Variants in ZIM2 observed in about 807,000 individuals in gnomAD.
ZIM2 encodes zinc finger imprinted 2, also known as zinc finger protein 656.
In ZIM2, 14 loss-of-function variants were observed where a neutral mutation model predicts 38.6. The observed-to-expected ratio is 0.36, with a 90% CI of 0.24 to 0.57. The LOEUF (loss-of-function observed/expected upper bound fraction) is 0.57. Ranked by LOEUF, ZIM2 falls within the 20% of genes least tolerant of loss-of-function variation. The pLI is 0.81. For synonymous variants in ZIM2, 247 were observed against 245.8 expected, an observed-to-expected ratio of 1.00 and a Z score of -0.04; for missense variants, 680 against 695.1, an observed-to-expected ratio of 0.98 and a Z score of 0.24.
intron 9 of ZIM2, chr19:56,793,322 G>C (rs1039345293): frequency 5.9e-5 from 9 of 152,640 alleles, no homozygotes; most frequent in African/African-American, 2.2e-4. Context: ...AAGATGTAGG[G>C]ATTCCTCAAG....
intron 2 of ZIM2, among the ~76,000 whole-genome samples, chr19:56,827,169 G>A (rs1282995447): frequency 2.0e-5 from 3 of 152,210 alleles, no homozygotes; most frequent in Admixed American, 2.0e-4. Context: ...ACAGAAAAGA[G>A]ATGGAGGACT....
At chr19:56,839,554 A>G (rs530170583) in intron 1 of ZIM2, among the ~76,000 whole-genome samples, 17 of 150,330 alleles carry the variant, frequency 1.1e-4, no homozygotes, top group Admixed American at 9.9e-4. Context: ...CATGGCGTCA[A>G]AGCGGGCGGG....
chr19:56,839,907 C>A (rs1462509402), intron 1 of ZIM2, among the ~76,000 whole-genome samples: 6 of 152,240 alleles, frequency 3.9e-5, no homozygotes, highest in African/African-American at 1.4e-4. Flanking sequence ...CCAACCAAGG[C>A]AGCTCCTGCG....
chr19:56,810,339 G>A, intron 9 of ZIM2: 1 of 985,034 alleles, frequency 1.0e-6, no homozygotes, highest in South Asian at 4.7e-5. Context: ...CTAGAATGAT[G>A]ACCTTTCAAG....
chr19:56,813,804 G>A (rs189053356), intron 9 of ZIM2: 39 of 1,614,124 alleles, frequency 2.4e-5, no homozygotes, highest in East Asian at 6.7e-5. Flanking sequence ...TGGCACGTTC[G>A]ATGTAGCCTG....
At chr19:56,825,067 T>A in intron 3 of ZIM2, 1 of 166,844 alleles carries the variant, frequency 6.0e-6, no homozygotes, top group Non-Finnish European at 1.3e-5. Flanking sequence ...ATTGTGAAGC[T>A]TAAATAAACT....
At chr19:56,809,442 G>C (rs1442338973) in intron 9 of ZIM2, among the ~76,000 whole-genome samples, 1 of 152,196 alleles carries the variant, frequency 6.6e-6, no homozygotes, top group Non-Finnish European at 1.5e-5. Flanking sequence ...GCCGCAAATT[G>C]GGTATGGTGC....
intron 9 of ZIM2, chr19:56,811,132 G>C: frequency 1.0e-6 from 1 of 982,968 alleles, no homozygotes; most frequent in Non-Finnish European, 1.2e-6. Context: ...TATTTTCCAA[G>C]TGTGTGATAA....
Position 56,797,022 on chromosome 19 carries a change from G to A in ZIM2, c.491-7071C>T, listed in dbSNP as rs76260111. 5.3e-3 allele frequency among the ~76,000 whole-genome samples: 804 copies of A among 150,542 alleles called. 10 individuals carry two copies. Among genetic ancestry groups the A allele is most frequent in the African/African-American group, 0.019 (761 of 40,992 alleles). On this transcript the variant is annotated intron_variant, in intron 9 of 12. Transcript: ENST00000629319. The stretch of plus-strand genomic sequence containing the variant: ...CTATTGATTTAAAGAGGCCAGGCAC[G>A]GTGGCTCAGCCAGGCTTGGTGGTTC...
At chr19:56,812,418 ATT>A (rs34297427) in intron 9 of ZIM2, 82 of 846,288 alleles carry the variant, frequency 9.7e-5, no homozygotes, top group Middle Eastern at 1.2e-3. Flanking sequence ...ACTGTAAAGA[ATT>A]TTTTTTTTTT....
intron 9 of ZIM2, among the ~76,000 whole-genome samples, chr19:56,808,602 G>A (rs567076263): frequency 6.6e-6 from 1 of 152,240 alleles, no homozygotes; most frequent in South Asian, 2.1e-4. Context: ...TGCCTTTCTA[G>A]GGGAGGAGTG....
In ZIM2 at chr19:56,790,149, G is replaced by A. The variant is rs1600747958; in HGVS notation, c.491-198C>T. ...AAAAGAGAGCTCTGGTTATTTCCCA[G>A]CTCTAAATGCTTCAATGGCTCCCAC... On this transcript the variant is annotated intron_variant, in intron 9 of 12. Transcript: ENST00000629319. The A allele has an allele frequency of 9.8e-6, 4 of 409,666 alleles. No homozygotes were observed. In the East Asian group the frequency reaches 1.4e-4, roughly 14 times the overall value. 25.4% of individuals were successfully genotyped at this position (409,666 alleles called of 1,614,324 possible). A position where few individuals can be genotyped will look rare whatever the true frequency, so the allele number is the denominator to read the frequency against.
At chr19:56,815,189 C>T (rs1211853154) in intron 9 of ZIM2, 2 of 1,614,030 alleles carry the variant, frequency 1.2e-6, no homozygotes, top group Admixed American at 3.3e-5. Context: ...ACAGGGTCTT[C>T]AATTGTCTCC....
At chr19:56,799,234 A>T (rs1480397351) in intron 9 of ZIM2, 1 of 152,226 alleles carries the variant, frequency 6.6e-6, no homozygotes, top group Non-Finnish European at 1.5e-5. Flanking sequence ...TAAAGGAAAT[A>T]TGGTACGTAT....
At position 56,778,784 on chromosome 19, in the gene ZIM2, C is replaced by T. The variant is rs566683732; in HGVS notation, c.835+593G>A. ...GGACAACAGTGATCCAGCCGCTGCA[C>T]ATGGTGACCCATTTCATGAAGATGG... On this transcript the variant is annotated intron_variant, in intron 12 of 12. Transcript: ENST00000629319. 2.0e-5 allele frequency among the ~76,000 whole-genome samples: 3 copies of T among 152,236 alleles called. No homozygotes were observed. In the South Asian group the frequency reaches 6.2e-4, roughly 32 times the overall value.
At chr19:56,779,108 T>C (rs1184371875) in intron 12 of ZIM2, among the ~76,000 whole-genome samples, 1 of 151,824 alleles carries the variant, frequency 6.6e-6, no homozygotes, top group Non-Finnish European at 1.5e-5. Flanking sequence ...AGAGGAGAGA[T>C]GTATGATGTT....
chr19:56,837,638 G>C (rs896520734), intron 1 of ZIM2, among the ~76,000 whole-genome samples: 1 of 152,204 alleles, frequency 6.6e-6, no homozygotes, highest in Non-Finnish European at 1.5e-5. Flanking sequence ...GTAGGGCTCA[G>C]CTGGCACGCC....
chr19:56,787,377 G>A (rs1186332415), intron 10 of ZIM2, among the ~76,000 whole-genome samples: 2 of 152,114 alleles, frequency 1.3e-5, no homozygotes, highest in South Asian at 2.1e-4. Context: ...CCAGGTTCAA[G>A]TGAGTCTCCC....
chr19:56,785,361 A>G (rs1030890608), intron 10 of ZIM2, among the ~76,000 whole-genome samples: 4 of 152,084 alleles, frequency 2.6e-5, no homozygotes, highest in African/African-American at 9.7e-5. Flanking sequence ...GTGTTTCTCA[A>G]CCTTTTTTCC....
Sources: gnomAD v4.1 joint callset for allele counts (sites outside exome capture counted in the v4.1 genomes callset) on GRCh38, gnomAD v4.1.1 for gene constraint, MANE v1.5 for transcripts, NCBI Gene and HGNC (gene_info 2026-07-23, HGNC 2026-07-21) for gene names.